LAMA2: variants seen among roughly 807,000 people sequenced by gnomAD.
The protein encoded by LAMA2 is laminin subunit alpha 2.
A neutral mutation model predicts 364.8 loss-of-function variants in LAMA2; 269 were observed. That is an observed-to-expected ratio of 0.74 (90% confidence interval 0.67 to 0.82). The LOEUF is 0.82. Among genes scored for constraint, LAMA2 ranks in the 40% least tolerant of loss-of-function variants. LAMA2 has a pLI of 0.00. For synonymous variants in LAMA2, 1,379 were observed against 1,370.6 expected (o/e 1.01, Z -0.14); for missense variants, 3,807 against 3,873.2 (o/e 0.98, Z 0.45).
chr6:129,463,960 A>G (rs1245431288), intron 49 of LAMA2, among the ~76,000 whole-genome samples: 3 of 151,956 alleles, frequency 2.0e-5, no homozygotes, highest in Admixed American at 6.6e-5. Flanking sequence ...TTCTCAGCCC[A>G]TCCAGAAACC....
intron 34 of LAMA2, among the ~76,000 whole-genome samples, chr6:129,372,903 C>T (rs564259142): frequency 1.3e-5 from 2 of 152,226 alleles, no homozygotes; most frequent in African/African-American, 2.4e-5. Context: ...CATATGATGT[C>T]GAGCATCTTT....
chr6:129,170,371 C>A lies in LAMA2; in HGVS notation c.1306+4696C>A, dbSNP rs957775675. ...GATTCTGGTATGTTGTGTCTTTGTT[C>A]TCATGGGTTTCAAAGAACATCTTTA... On this transcript the variant is annotated intron_variant, in intron 9 of 64. Transcript: ENST00000421865. 5.4e-5 allele frequency among the ~76,000 whole-genome samples: 8 copies of A among 147,082 alleles called. No individual in the cohort carries two copies. In the South Asian group the frequency reaches 8.6e-4, roughly 16 times the overall value.
chr6:129,306,945 G>T (rs73585572), intron 22 of LAMA2, among the ~76,000 whole-genome samples: 13,126 of 151,856 alleles, frequency 0.086, 896 homozygotes, highest in African/African-American at 0.19. Flanking sequence ...TATTCCTACT[G>T]ACTGACTTTT....
intron 1 of LAMA2, among the ~76,000 whole-genome samples, chr6:129,041,481 T>C (rs1310884766): frequency 6.6e-6 from 1 of 152,246 alleles, no homozygotes; most frequent in African/African-American, 2.4e-5. Flanking sequence ...AAGATAGTTT[T>C]CCTTTGCTGT....
chr6:129,274,340 C>T (rs1017724613), intron 17 of LAMA2, among the ~76,000 whole-genome samples: 6 of 151,380 alleles, frequency 4.0e-5, no homozygotes, highest in African/African-American at 1.5e-4. Context: ...ATAATGTGAG[C>T]TAGAAACTCT....
chr6:129,323,005 A>G (rs1775061189), intron 28 of LAMA2, among the ~76,000 whole-genome samples: 1 of 152,228 alleles, frequency 6.6e-6, no homozygotes, highest in Admixed American at 6.5e-5. Context: ...CATGACTTTC[A>G]CTTAAGCATC....
chr6:129,190,971 G>A (rs189269026), intron 11 of LAMA2, among the ~76,000 whole-genome samples: 42 of 152,298 alleles, frequency 2.8e-4, no homozygotes, highest in Non-Finnish European at 5.1e-4. Flanking sequence ...TGTGCAAAGA[G>A]CATGTTGTCT....
chr6:129,229,631 C>A (rs1463791887), intron 12 of LAMA2, among the ~76,000 whole-genome samples: 2 of 146,120 alleles, frequency 1.4e-5, no homozygotes, highest in Non-Finnish European at 3.0e-5. Context: ...AGAGACTTGG[C>A]ATTCATCCAG....
intron 40 of LAMA2, among the ~76,000 whole-genome samples, chr6:129,423,865 C>T (rs1781198598): frequency 6.6e-6 from 1 of 151,962 alleles, no homozygotes; most frequent in South Asian, 2.1e-4. Context: ...AATGCAATCC[C>T]AGTAAAAATC....
intron 1 of LAMA2, among the ~76,000 whole-genome samples, chr6:128,949,823 A>C (rs1198050617): frequency 1.3e-5 from 2 of 152,186 alleles, no homozygotes; most frequent in Non-Finnish European, 2.9e-5. Context: ...CACATTTTTA[A>C]ACATAAGGGC....
chr6:129,215,505 A>G (rs1005889929), intron 12 of LAMA2, among the ~76,000 whole-genome samples: 1 of 152,124 alleles, frequency 6.6e-6, no homozygotes, highest in African/African-American at 2.4e-5. Context: ...CTGCAGAGAG[A>G]TATATATTTC....
chr6:129,056,651 G>A (rs1287247338), intron 2 of LAMA2, among the ~76,000 whole-genome samples: 1 of 152,050 alleles, frequency 6.6e-6, no homozygotes, highest in Non-Finnish European at 1.5e-5. Flanking sequence ...TAAATGTTAT[G>A]ACAGTGTATT....
chr6:129,229,392 G>C (rs975576931), intron 12 of LAMA2, among the ~76,000 whole-genome samples: 1 of 152,158 alleles, frequency 6.6e-6, no homozygotes, highest in Non-Finnish European at 1.5e-5. Flanking sequence ...AATGTGGCTG[G>C]CATGTTCAAA....
intron 12 of LAMA2, among the ~76,000 whole-genome samples, chr6:129,236,744 C>T (rs1250587635): frequency 6.6e-6 from 1 of 151,502 alleles, no homozygotes; most frequent in Non-Finnish European, 1.5e-5. Context: ...CACACTCACA[C>T]ACATATAAGT....
intron 1 of LAMA2, among the ~76,000 whole-genome samples, chr6:129,007,928 G>A (rs1784536575): frequency 6.6e-6 from 1 of 152,182 alleles, no homozygotes; most frequent in African/African-American, 2.4e-5. Context: ...GCTATGGTAT[G>A]TGGGCTTTAT....
chr6:129,450,464 C>T (rs1749304227), intron 45 of LAMA2, among the ~76,000 whole-genome samples: 1 of 151,966 alleles, frequency 6.6e-6, no homozygotes, highest in Admixed American at 6.6e-5. Context: ...GGACTACAGG[C>T]ACATGCCACC....
At chr6:129,105,235 G>C (rs1244819575) in intron 4 of LAMA2, among the ~76,000 whole-genome samples, 1 of 152,088 alleles carries the variant, frequency 6.6e-6, no homozygotes, top group Non-Finnish European at 1.5e-5. Context: ...AGCTCTTGTG[G>C]GAACAGCTAC....
chr6:129,004,292 T>C (rs1663770697), intron 1 of LAMA2, among the ~76,000 whole-genome samples: 1 of 60,472 alleles, frequency 1.7e-5, no homozygotes, highest in Non-Finnish European at 2.9e-5. Flanking sequence ...TTGGGAGATA[T>C]ACCTAATGCT....
intron 17 of LAMA2, among the ~76,000 whole-genome samples, chr6:129,271,392 A>T (rs1583387286): frequency 6.6e-6 from 1 of 151,744 alleles, no homozygotes; most frequent in East Asian, 1.9e-4. Context: ...ACATTCCCTC[A>T]GGGCAGCCTC....
Sources: allele counts gnomAD v4.1 joint callset (sites outside exome capture counted in the v4.1 genomes callset), GRCh38; gene constraint gnomAD v4.1.1; transcripts MANE v1.5; gene names NCBI Gene and HGNC (gene_info 2026-07-23, HGNC 2026-07-21).